Variants in CSMD1 observed in about 807,000 individuals in gnomAD.
The protein encoded by CSMD1 is CUB and Sushi multiple domains 1.
CSMD1 carries 213 observed loss-of-function variants against 417.5 expected under a neutral mutation model. The ratio of observed to expected loss-of-function variants is 0.51; its 90% CI spans 0.46 to 0.57. The LOEUF is 0.57. CSMD1 is among the 20% of genes least tolerant of loss of function. CSMD1 has a pLI of 0.00. For missense variants in CSMD1, 6,923 were observed against 4,529.7 expected, an observed-to-expected ratio of 1.53 and a Z score of -15.17; for synonymous variants, 2,862 against 1,736.8, an observed-to-expected ratio of 1.65 and a Z score of -16.11.
At chr8:4,630,887 G>C (rs184245106) in intron 2 of CSMD1, among the ~76,000 whole-genome samples, 1 of 152,104 alleles carries the variant, frequency 6.6e-6, no homozygotes, top group African/African-American at 2.4e-5. Flanking sequence ...CCCTCACCCT[G>C]TGCTGGTCAT....
At chr8:3,825,831 A>C (rs1054545764) in intron 5 of CSMD1, among the ~76,000 whole-genome samples, 3 of 152,234 alleles carry the variant, frequency 2.0e-5, no homozygotes, top group African/African-American at 7.2e-5. Context: ...AATCCCATTT[A>C]AATATGAAAT....
At chr8:3,540,222 A>T (rs1272371735) in intron 10 of CSMD1, among the ~76,000 whole-genome samples, 2 of 152,222 alleles carry the variant, frequency 1.3e-5, no homozygotes, top group African/African-American at 2.4e-5. Context: ...TTATTAAACA[A>T]TGAATTTTAA....
intron 3 of CSMD1, among the ~76,000 whole-genome samples, chr8:4,081,820 C>A (rs577881311): frequency 6.7e-6 from 1 of 150,344 alleles, no homozygotes; most frequent in South Asian, 2.1e-4. Context: ...TAAATTGTTA[C>A]AAATAAAGTT....
At chr8:4,961,384 G>A (rs1378338941) in intron 1 of CSMD1, among the ~76,000 whole-genome samples, 2 of 152,064 alleles carry the variant, frequency 1.3e-5, no homozygotes, top group African/African-American at 4.8e-5. Context: ...GCATTCAGTA[G>A]AATGTTTGTC....
chr8:3,569,997 T>G (rs900930688), intron 10 of CSMD1, among the ~76,000 whole-genome samples: 1 of 152,200 alleles, frequency 6.6e-6, no homozygotes, highest in Non-Finnish European at 1.5e-5. Context: ...CAAGAAAATA[T>G]ATACAATGTC....
At chr8:3,482,767 C>A (rs1371361063) in intron 11 of CSMD1, among the ~76,000 whole-genome samples, 4 of 152,114 alleles carry the variant, frequency 2.6e-5, no homozygotes, top group Non-Finnish European at 4.4e-5. Context: ...GAACTGAAAT[C>A]ATAGAGAATT....
intron 23 of CSMD1, among the ~76,000 whole-genome samples, chr8:3,326,895 G>C (rs1806567078): frequency 6.6e-6 from 1 of 152,106 alleles, no homozygotes; most frequent in Admixed American, 6.6e-5. Flanking sequence ...TTGATACATT[G>C]ATAGGAAAGT....
At chr8:4,000,804 A>G (rs1815608825) in intron 4 of CSMD1, among the ~76,000 whole-genome samples, 2 of 152,082 alleles carry the variant, frequency 1.3e-5, no homozygotes, top group Non-Finnish European at 2.9e-5. Flanking sequence ...TACAAAAGTT[A>G]TGGCATCTCA....
intron 1 of CSMD1, among the ~76,000 whole-genome samples, chr8:4,706,739 G>A (rs957365149): frequency 4.6e-5 from 7 of 152,330 alleles, no homozygotes; most frequent in East Asian, 3.9e-4. Context: ...CGGGGAGGCA[G>A]AGGGTCAGAG....
At position 3,599,155 on chromosome 8, in the gene CSMD1, G is replaced by GTCTCTC. The variant is rs755682699; in HGVS notation, c.1098-12896_1098-12895insGAGAGA. Among the ~76,000 whole-genome samples, 76 of 132,470 alleles carry GTCTCTC rather than the reference G, an allele frequency of 5.7e-4. 1 individual carries two copies. The highest frequency in any genetic ancestry group is 2.2e-3 in the South Asian group (9 of 4,050). The allele number at this position is 132,470 out of a possible 152,430, so 86.9% of individuals were successfully genotyped here. ...TGTGTGTGTGTGTGTGTGTGTCTGT[G>GTCTCTC]TGTGTGTCTGTGTGTGTGTGTGTGT... On this transcript the variant is annotated intron_variant, in intron 8 of 69. Transcript: ENST00000635120.
intron 1 of CSMD1, among the ~76,000 whole-genome samples, chr8:4,897,474 G>C (rs759530028): frequency 2.6e-5 from 4 of 151,946 alleles, no homozygotes; most frequent in Non-Finnish European, 5.9e-5. Flanking sequence ...TTTAAGGAGT[G>C]GTTTGGGTTG....
chr8:4,686,359 G>A lies in CSMD1; in HGVS notation c.86-48801C>T, dbSNP rs1490086397. The stretch of plus-strand genomic sequence containing the variant: ...TTCAGGACACCCTAACCCTAAATAT[G>A]GCACTCTGACATTTGAGAAAACTGC... On this transcript the variant is annotated intron_variant, in intron 1 of 69. Transcript: ENST00000635120. Among the ~76,000 whole-genome samples the A allele has an allele frequency of 3.3e-5, 5 of 152,264 alleles. No individual in the cohort carries two copies. In the East Asian group the frequency reaches 5.8e-4, roughly 18 times the overall value.
chr8:3,495,997 C>T (rs762808110), intron 10 of CSMD1, among the ~76,000 whole-genome samples: 2 of 152,120 alleles, frequency 1.3e-5, no homozygotes, highest in African/African-American at 4.8e-5. Flanking sequence ...CTGCACCTGT[C>T]AACCCATCAC....
intron 23 of CSMD1, among the ~76,000 whole-genome samples, chr8:3,340,446 T>C (rs960958773): frequency 6.6e-6 from 1 of 152,236 alleles, no homozygotes; most frequent in Non-Finnish European, 1.5e-5. Context: ...TCTACTCATG[T>C]ATATGCATTA....
intron 15 of CSMD1, among the ~76,000 whole-genome samples, chr8:3,401,645 T>C (rs1011893989): frequency 4.6e-5 from 7 of 152,328 alleles, no homozygotes; most frequent in Middle Eastern, 3.4e-3. Flanking sequence ...TTCTCACAAA[T>C]GTGGCATGTC....
intron 20 of CSMD1, among the ~76,000 whole-genome samples, chr8:3,363,992 G>A (rs1327273300): frequency 6.6e-6 from 1 of 152,116 alleles, no homozygotes; most frequent in Middle Eastern, 3.2e-3. Context: ...ACACAATCAG[G>A]AAACACTGCT....
intron 10 of CSMD1, among the ~76,000 whole-genome samples, chr8:3,521,446 C>A (rs1336187757): frequency 6.6e-6 from 1 of 152,200 alleles, no homozygotes; most frequent in Non-Finnish European, 1.5e-5. Context: ...AGGAAGCTCA[C>A]TGGCCTTGAA....
intron 6 of CSMD1, among the ~76,000 whole-genome samples, chr8:3,750,761 G>A (rs546811459): frequency 4.6e-5 from 7 of 152,114 alleles, no homozygotes; most frequent in Admixed American, 3.9e-4. Context: ...TGGGTGGCTG[G>A]CAGGGACTCT....
chr8:4,587,461 A>C (rs79111437), intron 2 of CSMD1, among the ~76,000 whole-genome samples: 1 of 151,896 alleles, frequency 6.6e-6, no homozygotes, highest in East Asian at 1.9e-4. Flanking sequence ...ATATATATGT[A>C]TATGTAGATA....
Sources: allele counts gnomAD v4.1 joint callset (sites outside exome capture counted in the v4.1 genomes callset), GRCh38; gene constraint gnomAD v4.1.1; transcripts MANE v1.5; gene names NCBI Gene and HGNC (gene_info 2026-07-23, HGNC 2026-07-21).